The following ZNF385D variants were observed in gnomAD, a reference collection of about 807,000 sequenced individuals.
ZNF385D encodes the protein zinc finger protein 385D, also known as zinc finger protein 659.
In ZNF385D, 15 loss-of-function variants were observed where a neutral mutation model predicts 35.8. That is an observed-to-expected ratio of 0.42 (90% confidence interval 0.28 to 0.64). ZNF385D has a LOEUF of 0.64. ZNF385D is among the 30% of genes least tolerant of loss of function. ZNF385D has a pLI of 0.23. For missense variants in ZNF385D, 474 were observed against 494.6 expected (o/e 0.96, Z 0.39); for synonymous variants, 212 against 186.8 (o/e 1.13, Z -1.10).
intron 4 of ZNF385D, among the ~76,000 whole-genome samples, chr3:21,463,537 T>G (rs751500476): frequency 6.6e-6 from 1 of 152,058 alleles, no homozygotes; most frequent in Admixed American, 6.6e-5. Context: ...CAGAGCCAAG[T>G]GTCAGGGTGG....
At chr3:21,902,457 T>C (rs933530486) in intron 3 of ZNF385D, among the ~76,000 whole-genome samples, 6 of 152,124 alleles carry the variant, frequency 3.9e-5, no homozygotes, top group Non-Finnish European at 7.4e-5. Flanking sequence ...TGGTAGGAAA[T>C]AGCGGAGTAT....
chr3:21,432,632 AAC>A (rs897618896), intron 5 of ZNF385D, among the ~76,000 whole-genome samples: 1 of 152,034 alleles, frequency 6.6e-6, no homozygotes, highest in African/African-American at 2.4e-5. Context: ...GAAAAAGAAA[AAC>A]ACATCTTTTG....
At chr3:21,750,272 G>A (rs2069999114) in intron 1 of ZNF385D, among the ~76,000 whole-genome samples, 1 of 152,170 alleles carries the variant, frequency 6.6e-6, no homozygotes, top group East Asian at 1.9e-4. Flanking sequence ...ACCTAACTGA[G>A]GTTTCTACCG....
chr3:21,954,422 T>C (rs185699711), intron 3 of ZNF385D, among the ~76,000 whole-genome samples: 141 of 152,150 alleles, frequency 9.3e-4, no homozygotes, highest in Non-Finnish European at 3.2e-4. Flanking sequence ...AATTATTTTA[T>C]AGGCTCACAA....
chr3:21,628,112 A>C (rs916708597), intron 2 of ZNF385D, among the ~76,000 whole-genome samples: 1 of 152,130 alleles, frequency 6.6e-6, no homozygotes, highest in Non-Finnish European at 1.5e-5. Context: ...AGGCCTGTTT[A>C]ATGGCTGCTA....
intron 3 of ZNF385D, among the ~76,000 whole-genome samples, chr3:22,035,612 G>C (rs746496954): frequency 5.3e-5 from 8 of 152,178 alleles, no homozygotes; most frequent in Non-Finnish European, 7.3e-5. Flanking sequence ...AAATGTAGCA[G>C]AGGCAGAGAA....
chr3:22,106,636 A>C (rs1341012352), intron 3 of ZNF385D, among the ~76,000 whole-genome samples: 2 of 152,154 alleles, frequency 1.3e-5, no homozygotes, highest in Non-Finnish European at 2.9e-5. Flanking sequence ...CAGAAAGCCA[A>C]GCCGTCAACC....
intron 1 of ZNF385D, among the ~76,000 whole-genome samples, chr3:21,704,061 T>C (rs1297447075): frequency 2.0e-5 from 3 of 152,228 alleles, no homozygotes; most frequent in Admixed American, 2.0e-4. Context: ...CCCTTTTTCA[T>C]ATGCTTTTCA....
chr3:21,845,788 A>G (rs1370280361), intron 3 of ZNF385D, among the ~76,000 whole-genome samples: 1 of 152,036 alleles, frequency 6.6e-6, no homozygotes, highest in Non-Finnish European at 1.5e-5. Flanking sequence ...CTAAGAATCA[A>G]CGTCTTTAAC....
intron 1 of ZNF385D, among the ~76,000 whole-genome samples, chr3:21,685,650 G>T (rs1300313853): frequency 6.6e-6 from 1 of 152,082 alleles, no homozygotes; most frequent in Non-Finnish European, 1.5e-5. Flanking sequence ...AATCTCAAGG[G>T]CTCTGAATAG....
upstream of ZNF385D, among the ~76,000 whole-genome samples, chr3:21,752,201 C>T (rs2070135859): frequency 6.6e-6 from 1 of 152,070 alleles, no homozygotes; most frequent in African/African-American, 2.4e-5. Flanking sequence ...AAATGCACAG[C>T]ATGGAAAAAA....
intron 3 of ZNF385D, among the ~76,000 whole-genome samples, chr3:21,872,654 G>A (rs12491696): frequency 0.068 from 10,412 of 152,110 alleles, 526 homozygotes; most frequent in East Asian, 0.18. Flanking sequence ...TAATGAAATG[G>A]TTGCCATTTA....
rs116381584 is a variant in ZNF385D at position 21,655,546 on chromosome 3, T to G, written c.165+9340A>C. 6.1e-3 allele frequency among the ~76,000 whole-genome samples: 931 copies of G among 152,150 alleles called. 10 individuals are homozygous for G. The highest frequency in any genetic ancestry group is 0.021 in the African/African-American group (882 of 41,544). ...ATTAGACAGCATCTTTACTGTCCAC[T>G]GATGTCCTAGACGCTCTTTTTTATA... On this transcript the variant is annotated intron_variant, in intron 2 of 7. Coordinates refer to ENST00000281523, the MANE Select transcript of ZNF385D (RefSeq NM_024697.3).
chr3:22,141,730 T>A (rs1248337182), intron 3 of ZNF385D, among the ~76,000 whole-genome samples: 1 of 152,154 alleles, frequency 6.6e-6, no homozygotes, highest in Non-Finnish European at 1.5e-5. Flanking sequence ...ACAAATACCT[T>A]GTGTCAATAC....
rs71620749 is a variant in ZNF385D, at chr3:22,292,071, TTTTAA to T, written c.106+80374_106+80378del. On this transcript the variant is annotated intron_variant, in intron 2 of 5. Transcript: ENST00000494108. ...TCTTCTTTGACTTTTCATTTCTGCTTTTTAATTTGAGAGCTGGATGAATCTTAATG... is the reference window on the plus strand; with the variant it reads ...TCTTCTTTGACTTTTCATTTCTGCTTTTTGAGAGCTGGATGAATCTTAATG... 2.1e-4 allele frequency among the ~76,000 whole-genome samples: 32 copies of T among 152,040 alleles called. No individual in the cohort carries two copies. The East Asian group carries it at 3.1e-3, about 15-fold the overall frequency.
At chr3:22,302,809 T>C (rs1383495980) in intron 2 of ZNF385D, among the ~76,000 whole-genome samples, 1 of 152,164 alleles carries the variant, frequency 6.6e-6, no homozygotes, top group African/African-American at 2.4e-5. Flanking sequence ...TCATTAAATT[T>C]ATTCTTAGTT....
intron 7 of ZNF385D, 136 bp downstream of exon 7, chr3:21,423,827 A>G (rs1559434740): frequency 1.4e-6 from 1 of 737,372 alleles, no homozygotes; most frequent in Non-Finnish European, 2.2e-6. Context: ...CCTATGATCT[A>G]TGATAAATCT....
intron 3 of ZNF385D, among the ~76,000 whole-genome samples, chr3:22,085,087 G>A (rs996294089): frequency 1.3e-5 from 2 of 152,072 alleles, no homozygotes; most frequent in Non-Finnish European, 2.9e-5. Context: ...TGTGTAGAGG[G>A]AAATTTATAG....
exon 3 of ZNF385D, chr3:22,168,960 T>C: frequency 1.0e-6 from 1 of 985,846 alleles, no homozygotes; most frequent in Non-Finnish European, 1.2e-6. Flanking sequence ...ATGTTTCTTT[T>C]CTCTTTCTGG....
Sources: gnomAD v4.1 joint callset for allele counts (sites outside exome capture counted in the v4.1 genomes callset) on GRCh38, gnomAD v4.1.1 for gene constraint, MANE v1.5 for transcripts, NCBI Gene and HGNC (gene_info 2026-07-23, HGNC 2026-07-21) for gene names.